The following PLEKHG5 variants were observed in gnomAD, a reference collection of about 807,000 sequenced individuals.
PLEKHG5 encodes the protein pleckstrin homology domain-containing family G member 5.
Under a neutral mutation model 103.8 loss-of-function variants are expected in PLEKHG5, and 52 were observed. That is an observed-to-expected ratio of 0.50 (90% CI 0.40 to 0.63). PLEKHG5 has a LOEUF of 0.63. Ranked by LOEUF, PLEKHG5 falls within the 30% of genes least tolerant of loss-of-function variation. PLEKHG5 has a pLI of 0.00. For missense variants in PLEKHG5, 1,205 were observed against 1,347.6 expected, an observed-to-expected ratio of 0.89 and a Z score of 1.66; for synonymous variants, 592 against 575.5, an observed-to-expected ratio of 1.03 and a Z score of -0.41.
chr1:6,516,416 G>A (rs1242042366), intron 1 of PLEKHG5, among the ~76,000 whole-genome samples: 1 of 152,156 alleles, frequency 6.6e-6, no homozygotes, highest in East Asian at 1.9e-4. Flanking sequence ...CCAACACTTT[G>A]GAGGCCGAGG....
rs950901255 is a variant in PLEKHG5 at position 6,505,651 on chromosome 1, G to A, written c.-164-9082C>T. Among the ~76,000 whole-genome samples, 3 of 152,196 alleles carry A rather than the reference G, an allele frequency of 2.0e-5. No homozygotes were observed. The highest frequency in any genetic ancestry group is 6.5e-5 in the Admixed American group (1 of 15,284). On this transcript the variant is annotated intron_variant, in intron 1 of 21. Coordinates refer to the PLEKHG5 transcript ENST00000377740. The surrounding 1 kb of genome is among the most constrained non-coding windows in gnomAD (Gnocchi z 4.2). ...TGACCCACGTCCTGGGACCTGGAAC[G>A]TGAATGTTCCAGAACATCTCATTAC...
At position 6,474,531 on chromosome 1, in the gene PLEKHG5, A is replaced by G; in HGVS notation, c.359T>C (p.Ile120Thr). 1 of 1,613,882 alleles carries G rather than the reference A, an allele frequency of 6.2e-7. No individual in the cohort carries two copies. The highest frequency in any genetic ancestry group is 8.5e-7 in the Non-Finnish European group (1 of 1,179,916). Residue 120 changes from isoleucine to threonine, a missense_variant, in exon 6 of 21, where the codon ATC becomes ACC. Transcript: ENST00000377728. ...GGGTGTGTTGGACTGGTCCAGGTAG[A>G]TGTCCACTTTGCCCAGCGCAATGCC... is the stretch of plus-strand genomic sequence containing the variant. ...RKGIALGKVD[I>T]YLDQSNTPLS...
At position 6,469,248 on chromosome 1, in the gene PLEKHG5, G is replaced by C. The variant is rs1001986738; in HGVS notation, c.2050-7C>G. Reference sequence around the variant, plus strand: ...GCAGCTGTTGCAGCTGGTTCTGCAGGCAAGGTTGGGGTACATGGGACAGAA... The same window carrying C: ...GCAGCTGTTGCAGCTGGTTCTGCAGCCAAGGTTGGGGTACATGGGACAGAA... On this transcript the variant is annotated splice_polypyrimidine_tract_variant and splice_region_variant and intron_variant, in intron 18 of 20. Transcript: ENST00000377728. The C allele has an allele frequency of 6.2e-7, 1 of 1,613,940 alleles. No individual in the cohort carries two copies.
rs180722928 is a variant in PLEKHG5 at position 6,480,294 on chromosome 1, C to T, written c.-87-2636G>A. 8.2e-4 allele frequency among the ~76,000 whole-genome samples: 125 copies of T among 151,900 alleles called. 2 individuals carry two copies. Among genetic ancestry groups the T allele is most frequent in the Admixed American group, 6.3e-3 (96 of 15,240 alleles). On this transcript the variant is annotated intron_variant, in intron 1 of 20. Transcript: ENST00000377728. ...CTGTAATCCTAGCACTTTGGGAGGCCGAGGCGGGTGGATTGCCTGAGCTCA... is the reference window on the plus strand; with the variant it reads ...CTGTAATCCTAGCACTTTGGGAGGCTGAGGCGGGTGGATTGCCTGAGCTCA...
At chr1:6,495,691 T>C (rs1233183549), upstream of PLEKHG5, among the ~76,000 whole-genome samples, 1 of 152,220 alleles carries the variant, frequency 6.6e-6, no homozygotes, top group Non-Finnish European at 1.5e-5. Context: ...TTGTCACTAT[T>C]GTCATGTAAA....
At chr1:6,516,037 C>A (rs1439424249) in intron 1 of PLEKHG5, among the ~76,000 whole-genome samples, 1 of 152,212 alleles carries the variant, frequency 6.6e-6, no homozygotes, top group African/African-American at 2.4e-5. Flanking sequence ...GCCTTCCACA[C>A]AGAAATTCCA....
At chr1:6,481,225 C>T (rs373978387) in intron 1 of PLEKHG5, among the ~76,000 whole-genome samples, 36 of 152,160 alleles carry the variant, frequency 2.4e-4, no homozygotes, top group African/African-American at 7.0e-4. Flanking sequence ...GGGTTCCCAT[C>T]TCACTCTGAA....
upstream of PLEKHG5, among the ~76,000 whole-genome samples, chr1:6,498,776 A>G (rs1645263591): frequency 6.6e-6 from 1 of 152,114 alleles, no homozygotes; most frequent in Non-Finnish European, 1.5e-5. Context: ...CCTCACCCCC[A>G]CACTGTGCTC....
Position 6,516,918 on chromosome 1 carries a change from A to ACCCC in PLEKHG5, c.-165+2526_-165+2527insGGGG, listed in dbSNP as rs1553180758. On this transcript the variant is annotated intron_variant, in intron 1 of 21. Coordinates refer to the PLEKHG5 transcript ENST00000377740. ...TATATATATATATACACACACACACACACACACATGTACACTTTTGTTCTG... is the reference window on the plus strand; with the variant it reads ...TATATATATATATACACACACACACACCCCCACACACATGTACACTTTTGTTCTG... Among the ~76,000 whole-genome samples, 24 of 52,092 alleles carry ACCCC rather than the reference A, an allele frequency of 4.6e-4. 2 individuals are homozygous for ACCCC. Among genetic ancestry groups the ACCCC allele is most frequent in the East Asian group, 1.5e-3 (3 of 1,970 alleles). The allele number at this position is 52,092 out of a possible 152,430, so 34.2% of individuals were successfully genotyped here. A position where few individuals can be genotyped will look rare whatever the true frequency, so the allele number is the denominator to read the frequency against.
intron 1 of PLEKHG5, among the ~76,000 whole-genome samples, chr1:6,480,515 G>A (rs899277211): frequency 1.4e-5 from 2 of 146,454 alleles, no homozygotes; most frequent in Admixed American, 1.3e-4. Flanking sequence ...GTGACAGAGC[G>A]AGACTTTGTC....
intron 1 of PLEKHG5, among the ~76,000 whole-genome samples, chr1:6,517,732 A>T (rs1638662567): frequency 6.6e-6 from 1 of 152,090 alleles, no homozygotes; most frequent in African/African-American, 2.4e-5. Flanking sequence ...AGACAGAGAT[A>T]AAGGTTGGAA....
Position 6,470,232 on chromosome 1 carries a change from T to C in PLEKHG5, c.1800+4A>G, listed in dbSNP as rs776462194. 6.2e-7 allele frequency: 1 copy of C among 1,613,798 alleles called. No homozygotes were observed. Among genetic ancestry groups the C allele is most frequent in the South Asian group, 1.1e-5 (1 of 91,066 alleles). ...GCACAGGGGTGGGGTGGCCCTGGAA[T>C]CACCTTGCTGTCCTTCCCCTCCTTC... On this transcript the variant is annotated splice_donor_region_variant and intron_variant, in intron 16 of 20. Transcript: ENST00000377728.
intron 2 of PLEKHG5, 54 bp from the exon 3 acceptor site, chr1:6,476,090 G>GC: frequency 2.0e-6 from 3 of 1,490,402 alleles, no homozygotes; most frequent in South Asian, 1.1e-5. Flanking sequence ...TTAGCCTGCA[G>GC]CATGGCTGCC....
At chr1:6,513,574 G>C (rs181936625) in intron 1 of PLEKHG5, among the ~76,000 whole-genome samples, 7 of 152,350 alleles carry the variant, frequency 4.6e-5, no homozygotes, top group African/African-American at 1.7e-4. Context: ...GCCAGCTGCT[G>C]GCCACTGCAG....
upstream of PLEKHG5, among the ~76,000 whole-genome samples, chr1:6,499,792 T>G (rs149294603): frequency 1.3e-3 from 195 of 152,256 alleles, no homozygotes; most frequent in African/African-American, 4.6e-3. Context: ...TTTTCTTAAT[T>G]TAATTTAATT....
chr1:6,484,709 C>T (rs983074072), intron 1 of PLEKHG5, among the ~76,000 whole-genome samples: 6 of 152,162 alleles, frequency 3.9e-5, no homozygotes, highest in Non-Finnish European at 7.3e-5. Flanking sequence ...CCTCACCTGC[C>T]TGCCTGCCCA....
intron 1 of PLEKHG5, chr1:6,485,595 G>T: frequency 1.4e-6 from 1 of 732,316 alleles, no homozygotes; most frequent in South Asian, 7.0e-5. Context: ...CAGGAAGGCG[G>T]ACACCTCCCT....
At chr1:6,475,244 CCCT>C in intron 4 of PLEKHG5, 106 bp from the exon 5 acceptor site, 3 of 704,896 alleles carry the variant, frequency 4.3e-6, no homozygotes, top group South Asian at 1.5e-5. Flanking sequence ...CTCCTCCCCA[CCCT>C]CCTTCCCACC....
At chr1:6,483,783 G>A (rs1424040945) in intron 1 of PLEKHG5, among the ~76,000 whole-genome samples, 2 of 152,258 alleles carry the variant, frequency 1.3e-5, no homozygotes, top group African/African-American at 4.8e-5. Flanking sequence ...TGCAGCTTCT[G>A]GGAGCCCAAG....
Sources: gnomAD v4.1 joint callset for allele counts (sites outside exome capture counted in the v4.1 genomes callset) on GRCh38, gnomAD v4.1.1 for gene constraint, Gnocchi (gnomAD v3.1) non-coding constraint, MANE v1.5 for transcripts, NCBI Gene and HGNC (gene_info 2026-07-23, HGNC 2026-07-21) for gene names.